The following PCM1 variants were observed in gnomAD, a reference collection of about 807,000 sequenced individuals.
PCM1 encodes pericentriolar material 1.
PCM1 carries 157 observed loss-of-function variants against 241.9 expected under a neutral mutation model. That is an observed-to-expected ratio of 0.65 (90% CI 0.57 to 0.74). The LOEUF (loss-of-function observed/expected upper bound fraction) is 0.74, where lower values mean the gene tolerates loss of function less well. PCM1 is among the 30% of genes least tolerant of loss of function. The pLI, the probability that PCM1 is intolerant of heterozygous loss-of-function variation, is 0.00. For synonymous variants in PCM1, 1,085 were observed against 784.9 expected (o/e 1.38, Z -6.39); for missense variants, 3,478 against 2,360.1 (o/e 1.47, Z -9.81).
At chr8:17,981,039 A>T (rs1443872345) in intron 24 of PCM1, among the ~76,000 whole-genome samples, 1 of 152,232 alleles carries the variant, frequency 6.6e-6, no homozygotes, top group African/African-American at 2.4e-5. Context: ...CTGATTAAGA[A>T]TTAGATATGA....
chr8:17,987,128 C>G (rs2082864905), intron 26 of PCM1, among the ~76,000 whole-genome samples: 1 of 151,830 alleles, frequency 6.6e-6, no homozygotes, highest in Non-Finnish European at 1.5e-5. Context: ...TGTCTAAAAA[C>G]TACATGGTTT....
chr8:18,015,273 A>C (rs988562172), intron 36 of PCM1, among the ~76,000 whole-genome samples: 2 of 152,116 alleles, frequency 1.3e-5, no homozygotes, highest in Non-Finnish European at 2.9e-5. Flanking sequence ...AAACTAGGAA[A>C]TCTGTACTCA....
At chr8:17,976,560 C>T (rs573593433) in intron 23 of PCM1, among the ~76,000 whole-genome samples, 5 of 152,318 alleles carry the variant, frequency 3.3e-5, no homozygotes, top group African/African-American at 1.2e-4. Context: ...CAGGATGATT[C>T]CATGGCCTTC....
intron 6 of PCM1, among the ~76,000 whole-genome samples, chr8:17,944,625 A>G (rs572684974): frequency 1.3e-5 from 2 of 152,272 alleles, no homozygotes; most frequent in Admixed American, 6.5e-5. Context: ...TGAAGAATTA[A>G]TATACACCTA....
intron 38 of PCM1, among the ~76,000 whole-genome samples, chr8:18,026,260 C>CTT (rs35129825): frequency 0.011 from 1,177 of 109,198 alleles, 35 homozygotes; most frequent in African/African-American, 0.026. Context: ...CAAAAACCCA[C>CTT]TTTTTTTTTT....
Position 17,990,055 on chromosome 8 carries a change from G to A in PCM1, c.4531+76G>A. On this transcript the variant is annotated intron_variant, in intron 27 of 38. Coordinates refer to ENST00000325083, the MANE Select transcript of PCM1 (RefSeq NM_006197.4). ...CAGTCTTTGAATTGGCGTTGATAAG[G>A]AAACAAGTCTAGAAAGGCGAAGTGT... 2.4e-6 allele frequency: 3 copies of A among 1,243,500 alleles called. No homozygotes were observed. In the South Asian group the frequency reaches 5.4e-5, roughly 22 times the overall value. 77.0% of individuals were successfully genotyped at this position (1,243,500 alleles called of 1,614,324 possible). A position where few individuals can be genotyped will look rare whatever the true frequency, so the allele number is the denominator to read the frequency against.
chr8:17,947,202 A>G lies in PCM1; in HGVS notation c.800A>G (p.Gln267Arg). The G allele has an allele frequency of 1.2e-6, 2 of 1,604,244 alleles. No individual in the cohort carries two copies. ...ATTTTCCAGGCCAGAGATCCTCAGC[A>G]GGAGCCTATGGAAGAGATAGAAAAT... Reference protein sequence around the residue: ...LKKILARDPQQEPMEEIENLK... With the variant: ...LKKILARDPQREPMEEIENLK... Residue 267 changes from glutamine (Q) to arginine (R), a missense_variant, in exon 7 of 39, where the codon CAG (glutamine) becomes CGG (arginine). Coordinates refer to ENST00000325083, the MANE Select transcript of PCM1 (RefSeq NM_006197.4).
chr8:17,953,120 C>CA lies in PCM1; in HGVS notation c.1228dup (p.Met410AsnfsTer17). 1 of 1,595,880 alleles carries CA rather than the reference C, an allele frequency of 6.3e-7. No individual in the cohort carries two copies. Among genetic ancestry groups the CA allele is most frequent in the Non-Finnish European group, 8.5e-7 (1 of 1,170,384 alleles). ...AATGAGAGTGCTACAGGAAAAGAAA[C>CA]AAAAAATGGACAAATTGCTTGGAGA... On this transcript the variant is annotated frameshift_variant, in exon 9 of 39. Coordinates refer to ENST00000325083, the MANE Select transcript of PCM1 (RefSeq NM_006197.4). LOFTEE classifies it high-confidence loss of function.
intron 29 of PCM1, among the ~76,000 whole-genome samples, chr8:18,000,016 A>G (rs898621048): frequency 3.3e-5 from 5 of 152,230 alleles, no homozygotes; most frequent in South Asian, 2.1e-4. Flanking sequence ...GTAACTGTTT[A>G]TCAGTTAATG....
At chr8:17,977,803 A>C (rs993774003) in intron 23 of PCM1, among the ~76,000 whole-genome samples, 2 of 152,174 alleles carry the variant, frequency 1.3e-5, no homozygotes, top group African/African-American at 4.8e-5. Flanking sequence ...ACAGCTTGCT[A>C]GCGAAAATGT....
chr8:17,979,682 G>A (rs575033268), intron 23 of PCM1, among the ~76,000 whole-genome samples: 48 of 152,136 alleles, frequency 3.2e-4, no homozygotes, highest in African/African-American at 1.1e-3. Flanking sequence ...TTCTTAAGAT[G>A]GAAAAGATGG....
Position 18,014,064 on chromosome 8 carries a change from T to A in PCM1, c.5584+28T>A, listed in dbSNP as rs759020655. On this transcript the variant is annotated intron_variant, in intron 35 of 38. Transcript: ENST00000325083. ...AAGAAATCTAAATAAGTCTTTGATTTTAAGATAATTTCCTTTATTTGCTTT... is the reference window on the plus strand; with the variant it reads ...AAGAAATCTAAATAAGTCTTTGATTATAAGATAATTTCCTTTATTTGCTTT... The A allele has an allele frequency of 1.8e-5, 23 of 1,267,518 alleles. No individual in the cohort carries two copies. In the African/African-American group the frequency reaches 3.3e-4, roughly 18 times the overall value. 78.5% of individuals were successfully genotyped at this position (1,267,518 alleles called of 1,614,324 possible).
At chr8:17,998,741 C>A (rs548115225) in intron 29 of PCM1, among the ~76,000 whole-genome samples, 2 of 152,282 alleles carry the variant, frequency 1.3e-5, no homozygotes, top group South Asian at 4.1e-4. Context: ...GGGAAGCCAG[C>A]CAGGTTTGTG....
At chr8:17,967,405 T>C (rs775780188) in intron 21 of PCM1, among the ~76,000 whole-genome samples, 3 of 151,834 alleles carry the variant, frequency 2.0e-5, no homozygotes, top group Non-Finnish European at 2.9e-5. Flanking sequence ...ACCTCCCAGG[T>C]TCAAGGGATT....
chr8:18,027,560 C>T, intron 38 of PCM1, 77 bp from the exon 39 acceptor site: 1 of 1,014,280 alleles, frequency 9.9e-7, no homozygotes, highest in Non-Finnish European at 1.5e-6. Context: ...AAAGTAAAAG[C>T]TTTAATGACA....
At chr8:17,988,859 T>C (rs938406679) in intron 26 of PCM1, among the ~76,000 whole-genome samples, 3 of 151,952 alleles carry the variant, frequency 2.0e-5, no homozygotes, top group Non-Finnish European at 4.4e-5. Context: ...ACAGTCCTTA[T>C]GAGAATGTAA....
At chr8:17,955,825 T>C in intron 10 of PCM1, 172 bp downstream of exon 10, 1 of 615,464 alleles carries the variant, frequency 1.6e-6, no homozygotes, top group South Asian at 2.0e-5. Context: ...ATTTGAGTTG[T>C]CTAAGAGATG....
intron 23 of PCM1, among the ~76,000 whole-genome samples, chr8:17,977,456 T>G (rs1016387218): frequency 6.6e-6 from 1 of 152,190 alleles, no homozygotes; most frequent in African/African-American, 2.4e-5. Flanking sequence ...GAAAATTATT[T>G]GTTGTTAGTA....
chr8:17,933,990 G>C (rs890028041), intron 2 of PCM1, among the ~76,000 whole-genome samples: 1 of 151,780 alleles, frequency 6.6e-6, no homozygotes, highest in Non-Finnish European at 1.5e-5. Flanking sequence ...AACAGGAAGG[G>C]TCAATGTATT....
Sources: allele counts gnomAD v4.1 joint callset (sites outside exome capture counted in the v4.1 genomes callset), GRCh38; gene constraint gnomAD v4.1.1; transcripts MANE v1.5; gene names NCBI Gene and HGNC (gene_info 2026-07-23, HGNC 2026-07-21).